NAALADL2: variants seen among roughly 807,000 people sequenced by gnomAD.
NAALADL2 encodes the protein N-acetylated alpha-linked acidic dipeptidase like 2, also known as inactive N-acetylated-alpha-linked acidic dipeptidase-like protein 2.
A neutral mutation model predicts 87.2 loss-of-function variants in NAALADL2; 76 were observed. That is an observed-to-expected ratio of 0.87 (90% CI 0.72 to 1.05). NAALADL2 has a LOEUF of 1.05. NAALADL2 is among the 50% of genes least tolerant of loss of function. NAALADL2 has a pLI of 0.00. For synonymous variants in NAALADL2, 354 were observed against 331.0 expected (o/e 1.07, Z -0.75); for missense variants, 1,089 against 945.8 (o/e 1.15, Z -1.99).
chr3:175,180,517 C>A (rs970416259), intron 2 of NAALADL2, among the ~76,000 whole-genome samples: 1 of 151,864 alleles, frequency 6.6e-6, no homozygotes, highest in African/African-American at 2.4e-5. Context: ...ATAATGAAAT[C>A]AAGAATGAAG....
chr3:175,605,147 CT>C (rs1396704436), intron 10 of NAALADL2, among the ~76,000 whole-genome samples: 3 of 152,168 alleles, frequency 2.0e-5, no homozygotes, highest in Non-Finnish European at 4.4e-5. Context: ...TGTCATTCAT[CT>C]ACTCATGACC....
chr3:175,198,428 G>T (rs1196381805), intron 2 of NAALADL2, among the ~76,000 whole-genome samples: 2 of 151,836 alleles, frequency 1.3e-5, no homozygotes, highest in Non-Finnish European at 2.9e-5. Flanking sequence ...GTAATCATTA[G>T]TTCCCAAAAT....
At chr3:175,549,202 T>C (rs1465201490) in intron 9 of NAALADL2, among the ~76,000 whole-genome samples, 11 of 152,046 alleles carry the variant, frequency 7.2e-5, no homozygotes, top group Non-Finnish European at 1.6e-4. Context: ...TGATTAAGAC[T>C]ATTTTCATTA....
chr3:175,660,821 CT>C (rs1732148988), intron 11 of NAALADL2, among the ~76,000 whole-genome samples: 1 of 152,040 alleles, frequency 6.6e-6, no homozygotes, highest in Non-Finnish European at 1.5e-5. Flanking sequence ...ATCCGTGTTG[CT>C]GCAAATGACA....
chr3:174,954,233 A>G (rs1446187649), intron 1 of NAALADL2, among the ~76,000 whole-genome samples: 1 of 152,146 alleles, frequency 6.6e-6, no homozygotes, highest in Middle Eastern at 3.2e-3. Flanking sequence ...TGTTTGGGGT[A>G]TTTTAATTTC....
intron 6 of NAALADL2, among the ~76,000 whole-genome samples, 185 bp downstream of exon 6, chr3:175,447,557 G>C (rs1560567479): frequency 6.6e-6 from 1 of 152,190 alleles, no homozygotes; most frequent in Non-Finnish European, 1.5e-5. Context: ...GATAGAGACT[G>C]AGAGTTGACC....
intron 1 of NAALADL2, among the ~76,000 whole-genome samples, chr3:174,948,718 T>A (rs1739868305): frequency 6.6e-6 from 1 of 152,118 alleles, no homozygotes; most frequent in Non-Finnish European, 1.5e-5. Context: ...ATGGCTGTGG[T>A]GACTCAAAAA....
At chr3:174,568,665 G>A (rs1714572762) in intron 2 of NAALADL2, among the ~76,000 whole-genome samples, 1 of 151,310 alleles carries the variant, frequency 6.6e-6, no homozygotes, top group African/African-American at 2.4e-5. Context: ...TATATATCTG[G>A]GATATGTCTG....
At chr3:175,042,581 A>G (rs1340333987) in intron 1 of NAALADL2, among the ~76,000 whole-genome samples, 2 of 152,158 alleles carry the variant, frequency 1.3e-5, no homozygotes, top group South Asian at 2.1e-4. Context: ...TTTCCTCCAC[A>G]TCCTCATCAT....
chr3:175,313,856 A>G (rs1023323498), intron 4 of NAALADL2, among the ~76,000 whole-genome samples: 5 of 152,070 alleles, frequency 3.3e-5, no homozygotes, highest in Non-Finnish European at 7.4e-5. Context: ...CGAGGTCAGG[A>G]GATCAAGACC....
intron 2 of NAALADL2, among the ~76,000 whole-genome samples, chr3:174,662,935 CAT>C (rs1725638995): frequency 6.6e-6 from 1 of 152,142 alleles, no homozygotes; most frequent in Non-Finnish European, 1.5e-5. Context: ...ACGTATTTTA[CAT>C]AGATGACACT....
At chr3:175,026,117 C>A (rs767532766) in intron 1 of NAALADL2, among the ~76,000 whole-genome samples, 1 of 152,046 alleles carries the variant, frequency 6.6e-6, no homozygotes, top group Non-Finnish European at 1.5e-5. Context: ...GGCTGTTTAG[C>A]CATCCTAACA....
At chr3:175,465,471 A>ATTTTTTTTTTTTTTTTTT (rs1560595976) in intron 7 of NAALADL2, among the ~76,000 whole-genome samples, 7 of 129,032 alleles carry the variant, frequency 5.4e-5, no homozygotes, top group African/African-American at 2.0e-4. Flanking sequence ...CATGAATTAA[A>ATTTTTTTTTTTTTTTTTT]TCTTTTTTTT....
intron 9 of NAALADL2, among the ~76,000 whole-genome samples, chr3:175,495,844 T>A (rs1728739313): frequency 6.6e-6 from 1 of 152,172 alleles, no homozygotes; most frequent in Non-Finnish European, 1.5e-5. Context: ...ACCTGCCATT[T>A]TTTTTTAGAA....
intron 5 of NAALADL2, among the ~76,000 whole-genome samples, chr3:175,408,793 A>G (rs549001103): frequency 6.6e-6 from 1 of 152,090 alleles, no homozygotes; most frequent in East Asian, 1.9e-4. Context: ...TATTTGAATG[A>G]ATTACTGTTA....
intron 2 of NAALADL2, among the ~76,000 whole-genome samples, chr3:174,617,903 T>C (rs1720618922): frequency 6.6e-6 from 1 of 151,750 alleles, no homozygotes; most frequent in African/African-American, 2.4e-5. Context: ...GTCTCTAAGA[T>C]GGGAATACAT....
At chr3:175,510,546 TTTAAAAAAA>T (rs1209438610) in intron 9 of NAALADL2, among the ~76,000 whole-genome samples, 1 of 152,192 alleles carries the variant, frequency 6.6e-6, no homozygotes, top group Admixed American at 6.5e-5. Context: ...TTGGAAATGT[TTTAAAAAAA>T]TAACTGGTAT....
At chr3:175,148,641 A>G (rs1376953207) in intron 2 of NAALADL2, among the ~76,000 whole-genome samples, 2 of 152,154 alleles carry the variant, frequency 1.3e-5, no homozygotes, top group Non-Finnish European at 2.9e-5. Context: ...GTAGGGGTCC[A>G]CTTTCATTCT....
chr3:175,456,463 A>G (rs540060202), intron 6 of NAALADL2, among the ~76,000 whole-genome samples: 2 of 151,962 alleles, frequency 1.3e-5, no homozygotes, highest in South Asian at 2.1e-4. Context: ...TTAACTACCA[A>G]TACACACACA....
Sources: gnomAD v4.1 joint callset for allele counts (sites outside exome capture counted in the v4.1 genomes callset) on GRCh38, gnomAD v4.1.1 for gene constraint, MANE v1.5 for transcripts, NCBI Gene and HGNC (gene_info 2026-07-23, HGNC 2026-07-21) for gene names.